The following DST variants were observed in gnomAD, a reference collection of about 807,000 sequenced individuals.
DST encodes the protein bullous pemphigoid antigen.
A neutral mutation model predicts 875.2 loss-of-function variants in DST; 253 were observed. The observed-to-expected ratio is 0.29, with a 90% CI of 0.26 to 0.32. The LOEUF is 0.32. Ranked by LOEUF, DST falls within the 10% of genes least tolerant of loss-of-function variation. DST has a pLI of 1.00. For synonymous variants in DST, 3,124 were observed against 3,197.1 expected, an observed-to-expected ratio of 0.98 and a Z score of 0.77; for missense variants, 8,287 against 9,111.6, an observed-to-expected ratio of 0.91 and a Z score of 3.68.
intron 63 of DST, 67 bp from the exon 64 acceptor site, chr6:56,532,577 T>C (rs2096915262): frequency 2.1e-6 from 3 of 1,399,562 alleles, no homozygotes; most frequent in Middle Eastern, 1.8e-4. Context: ...TACAATGTAT[T>C]CTAAGTACAT....
intron 9 of DST, among the ~76,000 whole-genome samples, chr6:56,689,213 T>C (rs1292950176): frequency 6.6e-6 from 1 of 152,132 alleles, no homozygotes; most frequent in East Asian, 1.9e-4. Context: ...ATAGCATTAT[T>C]ATTAGCAGTA....
intron 3 of DST, among the ~76,000 whole-genome samples, chr6:56,874,605 C>T (rs1296668999): frequency 6.6e-6 from 1 of 152,168 alleles, no homozygotes; most frequent in Non-Finnish European, 1.5e-5. Context: ...TAAGGGAAAA[C>T]TATGGCTAAA....
At chr6:56,588,930 T>TAA (rs146045076) in intron 49 of DST, among the ~76,000 whole-genome samples, 6 of 151,386 alleles carry the variant, frequency 4.0e-5, no homozygotes, top group African/African-American at 1.5e-4. Flanking sequence ...ACGGGAAGTG[T>TAA]AAAAAAAAAT....
rs536861938 is a variant in DST, at chr6:56,634,429, C to T, written c.3494+33G>A. 1.9e-5 allele frequency: 31 copies of T among 1,612,368 alleles called. No individual in the cohort carries two copies. In the East Asian group the frequency reaches 6.7e-4, roughly 35 times the overall value. On this transcript the variant is annotated intron_variant, in intron 26 of 103. Transcript: ENST00000680361. ...TTCAACCTTCAGAGGGCCCCCAAAA[C>T]TAGCTCAACATTTTTAGCTAATATA... is the stretch of plus-strand genomic sequence containing the variant.
At chr6:56,719,455 G>A (rs529595339) in intron 5 of DST, among the ~76,000 whole-genome samples, 41 of 152,340 alleles carry the variant, frequency 2.7e-4, no homozygotes, top group African/African-American at 9.9e-4. Flanking sequence ...AAGTGGTCTA[G>A]TTAGGAAACA....
intron 73 of DST, among the ~76,000 whole-genome samples, chr6:56,510,616 A>C (rs1037315772): frequency 1.3e-5 from 2 of 152,204 alleles, no homozygotes; most frequent in Non-Finnish European, 2.9e-5. Flanking sequence ...ACTTTGTTCT[A>C]TACTATCTCA....
At chr6:56,667,444 G>A (rs955605985) in intron 10 of DST, among the ~76,000 whole-genome samples, 3 of 152,110 alleles carry the variant, frequency 2.0e-5, no homozygotes, top group Middle Eastern at 3.4e-3. Context: ...AACTAAAAAC[G>A]AAGTTCTACA....
chr6:56,723,707 G>T (rs2152916717), intron 5 of DST, among the ~76,000 whole-genome samples: 1 of 152,264 alleles, frequency 6.6e-6, no homozygotes, highest in Non-Finnish European at 1.5e-5. Context: ...AAACTCTACT[G>T]CAGGATTTCC....
chr6:56,854,624 G>A (rs1766948491), intron 3 of DST, among the ~76,000 whole-genome samples: 1 of 152,140 alleles, frequency 6.6e-6, no homozygotes, highest in South Asian at 2.1e-4. Context: ...TTATCTTTGG[G>A]TGATGACTAA....
At chr6:56,938,106 C>CTATATATA (rs1278821103) in intron 2 of DST, among the ~76,000 whole-genome samples, 1 of 30,038 alleles carries the variant, frequency 3.3e-5, no homozygotes, top group African/African-American at 9.1e-5. Context: ...CTCTCTCTCT[C>CTATATATA]TCTATATATA....
At chr6:56,638,091 T>G (rs1226324661) in intron 22 of DST, among the ~76,000 whole-genome samples, 2 of 149,856 alleles carry the variant, frequency 1.3e-5, no homozygotes, top group African/African-American at 5.1e-5. Flanking sequence ...TCATTTTACT[T>G]CTTAAGAAAT....
At chr6:56,791,830 T>A (rs907593890) in intron 4 of DST, among the ~76,000 whole-genome samples, 1 of 151,914 alleles carries the variant, frequency 6.6e-6, no homozygotes, top group Non-Finnish European at 1.5e-5. Flanking sequence ...AGCTATCTAT[T>A]TCCTAGATAT....
At chr6:56,560,229 C>T in intron 58 of DST, 65 bp downstream of exon 58, 2 of 1,395,738 alleles carry the variant, frequency 1.4e-6, no homozygotes, top group Non-Finnish European at 1.9e-6. Context: ...TGATAAAGAT[C>T]ATGATAAACA....
At chr6:56,708,657 G>A (rs188514815) in intron 5 of DST, among the ~76,000 whole-genome samples, 227 of 152,268 alleles carry the variant, frequency 1.5e-3, no homozygotes, top group Non-Finnish European at 2.9e-3. Flanking sequence ...ATAATACTGA[G>A]TCAGTTTCCT....
chr6:56,618,674 G>C lies in DST; in HGVS notation c.4930-4190C>G, dbSNP rs1307334974. ...AAGCTTAGCATTTTCTTGGGCTCTA[G>C]AGTTTTCTTGTTGAAGAGACACAAA... is the stretch of plus-strand genomic sequence containing the variant. On this transcript the variant is annotated intron_variant, in intron 36 of 103. Transcript: ENST00000680361. 6.2e-6 allele frequency: 10 copies of C among 1,613,662 alleles called. No individual in the cohort carries two copies. The East Asian group carries it at 8.9e-5, about 14-fold the overall frequency.
Position 56,468,984 on chromosome 6 carries a change from G to A in DST, c.22567C>T (p.Gln7523Ter), listed in dbSNP as rs1326139819. ...GAATACATTCCACTGGTTTATACCT[G>A]ATTTCCCAGGAAGAACTGATAAAAA... ...DNKYRFFLGN[Q>*]FGDSQQLRLV... Residue 7523 changes from glutamine (Q) to a stop codon, truncating the protein, a stop_gained and splice_region_variant, in exon 98 of 104, where the codon CAG becomes TAG. Transcript: ENST00000680361. LOFTEE classifies it high-confidence loss of function. 1 of 1,578,516 alleles carries A rather than the reference G, an allele frequency of 6.3e-7. No individual in the cohort carries two copies. Among genetic ancestry groups the A allele is most frequent in the East Asian group, 2.3e-5 (1 of 43,816 alleles).
At chr6:56,527,804 T>A in intron 67 of DST, 70 bp from the exon 68 acceptor site, 1 of 1,440,774 alleles carries the variant, frequency 6.9e-7, no homozygotes, top group Non-Finnish European at 9.2e-7. Context: ...CTTCAGATAT[T>A]ATGGAACACT....
At chr6:56,746,787 A>G (rs2099573714) in intron 4 of DST, among the ~76,000 whole-genome samples, 1 of 152,154 alleles carries the variant, frequency 6.6e-6, no homozygotes, top group Non-Finnish European at 1.5e-5. Context: ...CAGGTATTTT[A>G]TTCATTTATG....
At chr6:56,770,521 C>T (rs1243986337) in intron 4 of DST, among the ~76,000 whole-genome samples, 1 of 152,152 alleles carries the variant, frequency 6.6e-6, no homozygotes, top group East Asian at 1.9e-4. Flanking sequence ...TCATTCCATG[C>T]ATCCACATAG....
Sources: allele counts gnomAD v4.1 joint callset (sites outside exome capture counted in the v4.1 genomes callset), GRCh38; gene constraint gnomAD v4.1.1; transcripts MANE v1.5; gene names NCBI Gene and HGNC (gene_info 2026-07-23, HGNC 2026-07-21).